The following MTCL2 variants were observed in gnomAD, a reference collection of about 807,000 sequenced individuals.
The protein encoded by MTCL2 is microtubule crosslinking factor 2, also known as microtubule cross-linking factor 2.
chr20:36,843,685 A>G, the MTCL2 span, among the ~76,000 whole-genome samples: 3 of 152,250 alleles, frequency 2.0e-5, no homozygotes, highest in Non-Finnish European at 2.9e-5. Flanking sequence ...GCCGGTTACC[A>G]GCACCTCACT....
chr20:36,825,853 C>T, the MTCL2 span, among the ~76,000 whole-genome samples: 3,188 of 152,270 alleles, frequency 0.021, 67 homozygotes, highest in Non-Finnish European at 0.034. Context: ...ACAGGGCACG[C>T]GAGGAGAGCT....
At chr20:36,848,174 C>T in the MTCL2 span, among the ~76,000 whole-genome samples, 1 of 152,066 alleles carries the variant, frequency 6.6e-6, no homozygotes, top group South Asian at 2.1e-4. Flanking sequence ...AGAGGGAGAG[C>T]CTGGGCAGAT....
At chr20:36,862,979 C>T in the MTCL2 span, 4 of 1,410,528 alleles carry the variant, frequency 2.8e-6, no homozygotes, top group Admixed American at 2.5e-5. Flanking sequence ...AGTCCGACAC[C>T]TCCGAGCTGC....
chr20:36,839,153 A>G, the MTCL2 span: 4 of 1,505,212 alleles, frequency 2.7e-6, no homozygotes, highest in Non-Finnish European at 3.6e-6. The surrounding 1 kb of genome is among the most constrained non-coding windows in gnomAD (Gnocchi z 5.1). Context: ...TGCAAGGCCA[A>G]CCTGGGCCCC....
the MTCL2 span, chr20:36,815,975 C>A: frequency 6.2e-7 from 1 of 1,613,530 alleles, no homozygotes; most frequent in South Asian, 1.1e-5. The surrounding 1 kb of genome is among the most constrained non-coding windows in gnomAD (Gnocchi z 5.3). Flanking sequence ...CCTCAGGACC[C>A]CCACAGCCAC....
At chr20:36,778,028 C>A in the MTCL2 span, 1 of 474,310 alleles carries the variant, frequency 2.1e-6, no homozygotes. Context: ...CTGCCTCCTG[C>A]CTCCCCAGGA....
the MTCL2 span, chr20:36,828,476 G>C: frequency 6.5e-6 from 1 of 152,750 alleles, no homozygotes; most frequent in Non-Finnish European, 1.5e-5. Context: ...TCTGCCAGGG[G>C]AGGAACTGGC....
the MTCL2 span, among the ~76,000 whole-genome samples, chr20:36,857,344 G>A: frequency 7.9e-5 from 12 of 152,206 alleles, no homozygotes; most frequent in Non-Finnish European, 1.2e-4. Flanking sequence ...TGATGTGTGC[G>A]TGTGATAGAA....
At chr20:36,829,723 C>T in the MTCL2 span, among the ~76,000 whole-genome samples, 149 of 152,090 alleles carry the variant, frequency 9.8e-4, no homozygotes, top group Non-Finnish European at 1.7e-3. Context: ...CTCAGCCGGG[C>T]GCAGTGGCTC....
chr20:36,841,367 A>G, the MTCL2 span, among the ~76,000 whole-genome samples: 1 of 151,984 alleles, frequency 6.6e-6, no homozygotes, highest in Non-Finnish European at 1.5e-5. Flanking sequence ...TAAGTGCTAT[A>G]AAGACAAAGC....
chr20:36,860,733 G>A, the MTCL2 span, among the ~76,000 whole-genome samples: 23 of 152,226 alleles, frequency 1.5e-4, no homozygotes, highest in African/African-American at 5.5e-4. Flanking sequence ...TTTTACAAAT[G>A]AGAAAGCAAA....
At chr20:36,852,439 C>T in the MTCL2 span, among the ~76,000 whole-genome samples, 1 of 152,238 alleles carries the variant, frequency 6.6e-6, no homozygotes, top group African/African-American at 2.4e-5. Flanking sequence ...GCCGGTCCCC[C>T]AGGAGTCTGT....
the MTCL2 span, among the ~76,000 whole-genome samples, chr20:36,796,593 G>A: frequency 6.6e-6 from 1 of 152,206 alleles, no homozygotes; most frequent in Non-Finnish European, 1.5e-5. Flanking sequence ...GGAGCAAAAT[G>A]TTTTGTTTCC....
the MTCL2 span, among the ~76,000 whole-genome samples, chr20:36,811,937 A>C: frequency 6.6e-6 from 1 of 152,218 alleles, no homozygotes; most frequent in Non-Finnish European, 1.5e-5. Flanking sequence ...CTTCAGGCTC[A>C]TTATGAAGAG....
the MTCL2 span, chr20:36,794,842 C>T: frequency 1.8e-6 from 1 of 550,960 alleles, no homozygotes; most frequent in Non-Finnish European, 3.2e-6. This position sits in a 1 kb window ranked among gnomAD's most constrained non-coding sequence, Gnocchi z 5.4. Flanking sequence ...AATAATAGCT[C>T]ACTGCAGCCT....
the MTCL2 span, among the ~76,000 whole-genome samples, chr20:36,812,292 G>C: frequency 6.6e-6 from 1 of 152,156 alleles, no homozygotes; most frequent in Non-Finnish European, 1.5e-5. Flanking sequence ...TTACATGTGA[G>C]AAAACTGAGA....
the MTCL2 span, among the ~76,000 whole-genome samples, chr20:36,821,146 G>A: frequency 6.6e-6 from 1 of 152,218 alleles, no homozygotes; most frequent in Non-Finnish European, 1.5e-5. Context: ...CTTGTCCTTG[G>A]AGGTATGCTA....
At chr20:36,851,159 C>T in the MTCL2 span, among the ~76,000 whole-genome samples, 1 of 151,914 alleles carries the variant, frequency 6.6e-6, no homozygotes, top group Admixed American at 6.6e-5. Flanking sequence ...TGCCAAAATT[C>T]ATTTTATTGT....
At chr20:36,806,164 A>C in the MTCL2 span, among the ~76,000 whole-genome samples, 1 of 152,174 alleles carries the variant, frequency 6.6e-6, no homozygotes, top group Non-Finnish European at 1.5e-5. Context: ...CAAGGCAGGC[A>C]CTGTGGTTGA....
Sources: allele counts gnomAD v4.1 joint callset (sites outside exome capture counted in the v4.1 genomes callset), GRCh38; gene constraint gnomAD v4.1.1; non-coding constraint Gnocchi (gnomAD v3.1); transcripts MANE v1.5; gene names NCBI Gene and HGNC (gene_info 2026-07-23, HGNC 2026-07-21).